ENOX1: variants seen among roughly 807,000 people sequenced by gnomAD.
ENOX1 encodes the protein ecto-NOX disulfide-thiol exchanger 1.
In ENOX1, 42 loss-of-function variants were observed where a neutral mutation model predicts 82.5. The ratio of observed to expected loss-of-function variants is 0.51; its 90% CI spans 0.40 to 0.66. ENOX1 has a LOEUF of 0.66. ENOX1 is among the 30% of genes least tolerant of loss of function. The probability of loss-of-function intolerance (pLI) is 0.00; values close to 1 mark genes in which losing one functional copy is unlikely to be tolerated. For synonymous variants in ENOX1, 271 were observed against 282.2 expected (o/e 0.96, Z 0.40); for missense variants, 608 against 811.6 (o/e 0.75, Z 3.05).
intron 2 of ENOX1, among the ~76,000 whole-genome samples, chr13:43,640,141 T>C (rs2083574335): frequency 6.6e-6 from 1 of 152,246 alleles, no homozygotes; most frequent in African/African-American, 2.4e-5. Context: ...TAAATTATTA[T>C]GGTAAAAGTA....
intron 2 of ENOX1, among the ~76,000 whole-genome samples, chr13:43,563,364 C>T (rs1292811998): frequency 6.6e-6 from 1 of 151,892 alleles, no homozygotes; most frequent in East Asian, 1.9e-4. Flanking sequence ...CACAACATTC[C>T]AAAACCTATG....
intron 13 of ENOX1, 43 bp from the exon 14 acceptor site, chr13:43,265,497 TAAGC>T (rs756866147): frequency 4.9e-4 from 750 of 1,540,368 alleles, no homozygotes; most frequent in Non-Finnish European, 6.4e-4. Context: ...AAAAAATGAA[TAAGC>T]AAGCAAATCT....
rs115652936 is a variant in ENOX1, at chr13:43,356,543, G to T, written c.590-391C>A. Reference sequence around the variant, plus strand: ...TTTTTCTCTACCTTTTTATGGCCTTGGTTTTATTATATTTTCAGCTTACTA... The same window carrying T: ...TTTTTCTCTACCTTTTTATGGCCTTTGTTTTATTATATTTTCAGCTTACTA... On this transcript the variant is annotated intron_variant, in intron 7 of 16. Coordinates refer to ENST00000690772, the MANE Select transcript of ENOX1 (RefSeq NM_001347969.2). 1.6e-3 allele frequency among the ~76,000 whole-genome samples: 250 copies of T among 152,078 alleles called. 1 individual carries two copies. The highest frequency in any genetic ancestry group is 5.8e-3 in the African/African-American group (239 of 41,476).
At chr13:43,347,993 C>T (rs554988863) in intron 8 of ENOX1, among the ~76,000 whole-genome samples, 3 of 152,336 alleles carry the variant, frequency 2.0e-5, no homozygotes, top group South Asian at 2.1e-4. Flanking sequence ...CAGGTCCATT[C>T]ACGGGTCTTG....
chr13:43,226,170 T>C (rs1566278968), intron 15 of ENOX1, among the ~76,000 whole-genome samples: 1 of 152,190 alleles, frequency 6.6e-6, no homozygotes, highest in East Asian at 1.9e-4. Context: ...GTAATTCTAT[T>C]ACTAATAAGA....
At chr13:43,508,055 T>C (rs888707058) in intron 2 of ENOX1, among the ~76,000 whole-genome samples, 2 of 151,932 alleles carry the variant, frequency 1.3e-5, no homozygotes, top group African/African-American at 4.8e-5. Flanking sequence ...CTGGAAGGCA[T>C]TAAAGGGAGG....
chr13:43,752,351 C>CTATCTTT (rs1950370578), intron 1 of ENOX1, among the ~76,000 whole-genome samples: 1 of 152,060 alleles, frequency 6.6e-6, no homozygotes, highest in South Asian at 2.1e-4. Flanking sequence ...TCTCTTAGTA[C>CTATCTTT]TATCTTTTGA....
intron 5 of ENOX1, among the ~76,000 whole-genome samples, chr13:43,410,502 G>A (rs1028723866): frequency 2.0e-5 from 3 of 151,794 alleles, no homozygotes; most frequent in African/African-American, 7.3e-5. Flanking sequence ...CTCAGCCTTT[G>A]TATTTCCTTT....
chr13:43,636,564 A>G (rs1159097606), intron 2 of ENOX1, among the ~76,000 whole-genome samples: 1 of 152,200 alleles, frequency 6.6e-6, no homozygotes, highest in African/African-American at 2.4e-5. Flanking sequence ...TCTTAGCAAA[A>G]ATTATCCTAT....
At chr13:43,533,034 A>G (rs148928185) in intron 2 of ENOX1, among the ~76,000 whole-genome samples, 2 of 152,162 alleles carry the variant, frequency 1.3e-5, no homozygotes, top group African/African-American at 4.8e-5. Flanking sequence ...TGCAGTTTAT[A>G]ACAGCACTTT....
chr13:43,466,141 A>G (rs928440300), intron 3 of ENOX1, among the ~76,000 whole-genome samples: 7 of 143,934 alleles, frequency 4.9e-5, no homozygotes, highest in African/African-American at 1.8e-4. Context: ...CTGTTGTGGG[A>G]TTCTCTACAT....
chr13:43,324,161 G>A (rs939997016), intron 10 of ENOX1, among the ~76,000 whole-genome samples: 1 of 152,188 alleles, frequency 6.6e-6, no homozygotes, highest in Non-Finnish European at 1.5e-5. Context: ...GAAATTTTTA[G>A]GCTGTGGACA....
At chr13:43,296,275 GA>G (rs1426689562) in intron 12 of ENOX1, among the ~76,000 whole-genome samples, 4 of 152,176 alleles carry the variant, frequency 2.6e-5, no homozygotes, top group African/African-American at 9.7e-5. Flanking sequence ...GAGCAGAGTG[GA>G]CCCCTAATCC....
At chr13:43,632,016 C>T (rs2083237291) in intron 2 of ENOX1, among the ~76,000 whole-genome samples, 1 of 152,182 alleles carries the variant, frequency 6.6e-6, no homozygotes, top group African/African-American at 2.4e-5. Flanking sequence ...CAATATTCAT[C>T]AGCTGTTTGC....
chr13:43,467,317 A>C (rs1227571168), intron 3 of ENOX1, among the ~76,000 whole-genome samples: 2 of 152,172 alleles, frequency 1.3e-5, no homozygotes, highest in African/African-American at 4.8e-5. Flanking sequence ...ACTATATACT[A>C]TATTACTATA....
intron 5 of ENOX1, among the ~76,000 whole-genome samples, chr13:43,385,666 T>C (rs1266996473): frequency 6.6e-6 from 1 of 152,120 alleles, no homozygotes; most frequent in African/African-American, 2.4e-5. Context: ...TCTTCACTGG[T>C]AAGAAAAAAT....
intron 2 of ENOX1, among the ~76,000 whole-genome samples, chr13:43,606,325 A>G (rs2081974122): frequency 2.0e-5 from 3 of 152,196 alleles, no homozygotes; most frequent in Admixed American, 2.0e-4. Flanking sequence ...CCCAAAAGAA[A>G]GGAAATCAGT....
At chr13:43,669,275 T>C (rs922759786) in intron 1 of ENOX1, among the ~76,000 whole-genome samples, 1 of 152,210 alleles carries the variant, frequency 6.6e-6, no homozygotes, top group African/African-American at 2.4e-5. Flanking sequence ...CTGGGAGTAA[T>C]TGAAGGCTCT....
chr13:43,241,370 G>A (rs940861239), intron 14 of ENOX1, among the ~76,000 whole-genome samples: 5 of 152,196 alleles, frequency 3.3e-5, no homozygotes, highest in South Asian at 2.1e-4. Flanking sequence ...GGTTCCAGAT[G>A]CCTAGCAATT....
Sources: gnomAD v4.1 joint callset for allele counts (sites outside exome capture counted in the v4.1 genomes callset) on GRCh38, gnomAD v4.1.1 for gene constraint, MANE v1.5 for transcripts, NCBI Gene and HGNC (gene_info 2026-07-23, HGNC 2026-07-21) for gene names.